The following SLC25A13 variants were observed in gnomAD, a reference collection of about 807,000 sequenced individuals.
The protein encoded by SLC25A13 is electrogenic aspartate/glutamate antiporter SLC25A13, mitochondrial.
Under a neutral mutation model 85.5 loss-of-function variants are expected in SLC25A13, and 70 were observed. The observed-to-expected ratio is 0.82, with a 90% CI of 0.68 to 1.00. The LOEUF is 1.00. Ranked by LOEUF, SLC25A13 falls within the 50% of genes least tolerant of loss-of-function variation. The pLI is 0.00. For missense variants in SLC25A13, 765 were observed against 819.8 expected, an observed-to-expected ratio of 0.93 and a Z score of 0.82; for synonymous variants, 259 against 288.7, an observed-to-expected ratio of 0.90 and a Z score of 1.04.
chr7:96,276,447 T>C (rs1048697011), intron 3 of SLC25A13, among the ~76,000 whole-genome samples: 3 of 151,776 alleles, frequency 2.0e-5, no homozygotes, highest in South Asian at 2.1e-4. Flanking sequence ...TACGGCAAAA[T>C]CCCGTCTCTA....
At chr7:96,310,120 T>C (rs1231201765) in intron 1 of SLC25A13, among the ~76,000 whole-genome samples, 8 of 152,208 alleles carry the variant, frequency 5.3e-5, no homozygotes, top group Non-Finnish European at 8.8e-5. Context: ...GTTTAAGCCA[T>C]CCAGTCTCTA....
At chr7:96,188,393 T>C (rs1794717255) in intron 9 of SLC25A13, among the ~76,000 whole-genome samples, 1 of 152,220 alleles carries the variant, frequency 6.6e-6, no homozygotes, top group Non-Finnish European at 1.5e-5. Context: ...AAGGGGGCCC[T>C]GGCTCAAGGT....
At chr7:96,155,393 C>T (rs1458107961) in intron 13 of SLC25A13, among the ~76,000 whole-genome samples, 2 of 152,032 alleles carry the variant, frequency 1.3e-5, no homozygotes, top group Non-Finnish European at 2.9e-5. Context: ...TTTTTTCCTC[C>T]CCAGAGTGTT....
intron 15 of SLC25A13, among the ~76,000 whole-genome samples, chr7:96,126,856 T>A (rs1449038742): frequency 1.3e-5 from 2 of 152,198 alleles, no homozygotes; most frequent in Non-Finnish European, 2.9e-5. Flanking sequence ...TCTTCATTAC[T>A]TTTTTTAAGG....
Position 96,170,145 on chromosome 7 carries a change from A to G in SLC25A13, c.1231-20T>C. ...GTTCACCTTGAAGAAAAATATTTAT[A>G]GAAGCTGATGAAAAATATAAAGAAA... On this transcript the variant is annotated intron_variant, in intron 12 of 17. Coordinates refer to ENST00000265631, the MANE Select transcript of SLC25A13 (RefSeq NM_014251.3). 6.2e-7 allele frequency: 1 copy of G among 1,603,708 alleles called. No individual in the cohort carries two copies. The highest frequency in any genetic ancestry group is 1.1e-5 in the South Asian group (1 of 90,814).
intron 13 of SLC25A13, among the ~76,000 whole-genome samples, chr7:96,153,117 G>C (rs925472895): frequency 6.6e-6 from 1 of 152,206 alleles, no homozygotes; most frequent in African/African-American, 2.4e-5. Context: ...GGAGTGAAAG[G>C]TAGAACATGA....
chr7:96,190,458 A>C (rs1470073257), intron 7 of SLC25A13, among the ~76,000 whole-genome samples: 2 of 151,734 alleles, frequency 1.3e-5, no homozygotes, highest in Non-Finnish European at 2.9e-5. Context: ...ACCAACTTAC[A>C]CTGTCACCAA....
chr7:96,225,948 C>G (rs1200013877), intron 4 of SLC25A13, among the ~76,000 whole-genome samples: 2 of 151,668 alleles, frequency 1.3e-5, no homozygotes, highest in Non-Finnish European at 2.9e-5. Context: ...ACAGTCTCCC[C>G]TCCTCCATCC....
intron 13 of SLC25A13, among the ~76,000 whole-genome samples, chr7:96,153,728 C>T (rs1793138560): frequency 6.6e-6 from 1 of 152,192 alleles, no homozygotes; most frequent in Non-Finnish European, 1.5e-5. Context: ...TGAATACTAG[C>T]ACCAGTGTAA....
intron 14 of SLC25A13, among the ~76,000 whole-genome samples, chr7:96,132,308 TG>T (rs1194095376): frequency 6.6e-6 from 1 of 151,962 alleles, no homozygotes; most frequent in Non-Finnish European, 1.5e-5. Flanking sequence ...ATTATACAGG[TG>T]GGGGGAAAAG....
chr7:96,157,468 G>A (rs1793327487), intron 13 of SLC25A13, among the ~76,000 whole-genome samples: 1 of 152,052 alleles, frequency 6.6e-6, no homozygotes, highest in African/African-American at 2.4e-5. Flanking sequence ...GACACTTCTG[G>A]TTTGGCACAG....
Position 96,178,815 on chromosome 7 carries a change from A to G in SLC25A13, c.1177+5462T>C, listed in dbSNP as rs563321285. ...CCATTTGTCTGTCTGCTTTTGACTC[A>G]GATTGCCCCTAGGCATGAGGCATTT... is the stretch of plus-strand genomic sequence containing the variant. On this transcript the variant is annotated intron_variant, in intron 11 of 17. Coordinates refer to ENST00000265631, the MANE Select transcript of SLC25A13 (RefSeq NM_014251.3). 2.6e-5 allele frequency among the ~76,000 whole-genome samples: 4 copies of G among 152,238 alleles called. No individual in the cohort carries two copies. The South Asian group carries it at 8.3e-4, about 32-fold the overall frequency.
intron 3 of SLC25A13, among the ~76,000 whole-genome samples, chr7:96,244,179 G>C (rs927679061): frequency 2.6e-5 from 4 of 152,138 alleles, no homozygotes; most frequent in Admixed American, 1.3e-4. Context: ...AGTTTTTAAA[G>C]CCCAGGAGCT....
intron 3 of SLC25A13, among the ~76,000 whole-genome samples, chr7:96,254,251 T>C (rs1797541292): frequency 1.3e-5 from 2 of 152,330 alleles, no homozygotes; most frequent in South Asian, 4.1e-4. Flanking sequence ...TCCAATCCAC[T>C]GAGGTCCTGA....
chr7:96,203,822 A>C (rs73710224), intron 5 of SLC25A13, among the ~76,000 whole-genome samples: 2,494 of 152,308 alleles, frequency 0.016, 59 homozygotes, highest in African/African-American at 0.057. Flanking sequence ...TGATGATCGC[A>C]TCTGGCAATT....
At position 96,184,964 on chromosome 7, in the gene SLC25A13, C is replaced by A. The variant is rs768915439; in HGVS notation, c.981G>T (p.Glu327Asp). 5.0e-6 allele frequency: 8 copies of A among 1,614,094 alleles called. No homozygotes were observed. The highest frequency in any genetic ancestry group is 6.8e-6 in the Non-Finnish European group (8 of 1,180,050). ...SARPVLLQVA[E>D]SAYRFGLGSV... ...AACCCAGACCAAACCTGTAGGCCGACTCTGCAACTTGTAGAAGAACTGGTC... is the reference window on the plus strand; with the variant it reads ...AACCCAGACCAAACCTGTAGGCCGAATCTGCAACTTGTAGAAGAACTGGTC... The change falls in exon 10 of 18, where the codon GAG becomes GAT. Residue 327 changes from glutamate to aspartate, a missense_variant. Coordinates refer to ENST00000265631, the MANE Select transcript of SLC25A13 (RefSeq NM_014251.3).
chr7:96,146,533 G>T, intron 14 of SLC25A13, 23 bp downstream of exon 14: 2 of 1,592,848 alleles, frequency 1.3e-6, no homozygotes, highest in Non-Finnish European at 1.7e-6. Context: ...TCAAATAAAT[G>T]ACTAAAAAAA....
intron 11 of SLC25A13, among the ~76,000 whole-genome samples, chr7:96,180,938 C>T (rs1236164634): frequency 2.0e-5 from 3 of 152,204 alleles, no homozygotes; most frequent in Non-Finnish European, 2.9e-5. Flanking sequence ...CATTAAATCA[C>T]TCTGAAGACT....
At chr7:96,162,937 C>T (rs1359534828) in intron 13 of SLC25A13, among the ~76,000 whole-genome samples, 1 of 152,046 alleles carries the variant, frequency 6.6e-6, no homozygotes, top group Non-Finnish European at 1.5e-5. Flanking sequence ...CCCCTGCTAC[C>T]AGAAGCAATC....
Sources: allele counts gnomAD v4.1 joint callset (sites outside exome capture counted in the v4.1 genomes callset), GRCh38; gene constraint gnomAD v4.1.1; transcripts MANE v1.5; gene names NCBI Gene and HGNC (gene_info 2026-07-23, HGNC 2026-07-21).